Variants in PTPRD observed in about 807,000 individuals in gnomAD.
PTPRD encodes receptor-type tyrosine-protein phosphatase delta.
PTPRD carries 34 observed loss-of-function variants against 214.5 expected under a neutral mutation model. That is an observed-to-expected ratio of 0.16 (90% CI 0.12 to 0.21). The LOEUF is 0.21. PTPRD is among the 10% of genes least tolerant of loss of function. The probability of loss-of-function intolerance (pLI) is 1.00; values close to 1 mark genes in which losing one functional copy is unlikely to be tolerated. For missense variants in PTPRD, 2,545 were observed against 2,398.7 expected (o/e 1.06, Z -1.27); for synonymous variants, 1,128 against 845.7 (o/e 1.33, Z -5.79).
At chr9:8,791,753 C>G (rs959635314) in intron 11 of PTPRD, among the ~76,000 whole-genome samples, 3 of 151,980 alleles carry the variant, frequency 2.0e-5, no homozygotes, top group African/African-American at 7.3e-5. Flanking sequence ...GACTGGCTAA[C>G]TAGGTGACTG....
intron 11 of PTPRD, among the ~76,000 whole-genome samples, chr9:9,012,699 A>G (rs1174958213): frequency 6.6e-6 from 1 of 152,194 alleles, no homozygotes; most frequent in African/African-American, 2.4e-5. Context: ...AGTTCTATCA[A>G]TTAAAGTTTG....
intron 7 of PTPRD, among the ~76,000 whole-genome samples, chr9:9,588,755 C>A (rs926870358): frequency 6.6e-6 from 1 of 151,890 alleles, no homozygotes; most frequent in Non-Finnish European, 1.5e-5. Context: ...ACGGGAACTG[C>A]ATCAATATGT....
At chr9:8,733,713 G>A (rs2098686360) in intron 12 of PTPRD, 67 bp downstream of exon 12, 2 of 1,486,944 alleles carry the variant, frequency 1.3e-6, no homozygotes, top group East Asian at 2.5e-5. Flanking sequence ...CCCTGAGCCT[G>A]GTGCCAACTG....
chr9:9,858,273 G>A (rs1207308563), intron 5 of PTPRD, among the ~76,000 whole-genome samples: 1 of 152,130 alleles, frequency 6.6e-6, no homozygotes, highest in Non-Finnish European at 1.5e-5. Flanking sequence ...CAATAAATAT[G>A]ATGGCACCAA....
chr9:8,912,195 A>G (rs1594767), intron 11 of PTPRD, among the ~76,000 whole-genome samples: 53,518 of 151,882 alleles, frequency 0.35, 10,754 homozygotes, highest in Non-Finnish European at 0.45. Flanking sequence ...CCATGTAAAA[A>G]TATGTATGCA....
intron 11 of PTPRD, among the ~76,000 whole-genome samples, chr9:8,745,994 T>C (rs1332147785): frequency 6.6e-6 from 1 of 152,206 alleles, no homozygotes; most frequent in Admixed American, 6.5e-5. Context: ...GGTCTTGCTA[T>C]GTTGCCCAGA....
At chr9:8,362,888 G>C (rs148084647) in intron 39 of PTPRD, among the ~76,000 whole-genome samples, 6 of 152,192 alleles carry the variant, frequency 3.9e-5, no homozygotes, top group African/African-American at 1.2e-4. Flanking sequence ...TTTTGATCCT[G>C]AAAGCTAAGT....
At chr9:8,536,820 G>A (rs1437571230) in intron 14 of PTPRD, among the ~76,000 whole-genome samples, 1 of 151,952 alleles carries the variant, frequency 6.6e-6, no homozygotes, top group Non-Finnish European at 1.5e-5. Context: ...GACTAATAAT[G>A]ACTACTCCAA....
intron 10 of PTPRD, among the ~76,000 whole-genome samples, chr9:9,019,342 AAG>A (rs1219470692): frequency 1.6e-5 from 2 of 121,312 alleles, no homozygotes; most frequent in African/African-American, 3.4e-5. Context: ...GAAAGAACGA[AAG>A]AAAGAAAGAA....
intron 2 of PTPRD, among the ~76,000 whole-genome samples, chr9:10,450,250 A>C (rs1225410278): frequency 6.6e-6 from 1 of 151,364 alleles, no homozygotes; most frequent in East Asian, 1.9e-4. Flanking sequence ...ATACTAAAAA[A>C]AATAAATAAA....
At chr9:10,243,564 C>A (rs1056107242) in intron 3 of PTPRD, among the ~76,000 whole-genome samples, 16 of 151,910 alleles carry the variant, frequency 1.1e-4, no homozygotes, top group African/African-American at 3.9e-4. Flanking sequence ...TATTCTATTT[C>A]CTGTAAGATC....
intron 44 of PTPRD, among the ~76,000 whole-genome samples, chr9:8,329,942 T>C: frequency 1.8e-5 from 1 of 55,090 alleles, no homozygotes; most frequent in African/African-American, 5.6e-4. Flanking sequence ...GATCGTATCT[T>C]GCTGGGCTCT....
At chr9:9,690,297 T>A (rs1476814580) in intron 7 of PTPRD, among the ~76,000 whole-genome samples, 1 of 151,984 alleles carries the variant, frequency 6.6e-6, no homozygotes, top group East Asian at 1.9e-4. Context: ...TTCTGAGAAC[T>A]GTCTATTCAG....
chr9:9,347,021 G>A (rs762300643), intron 9 of PTPRD, among the ~76,000 whole-genome samples: 1 of 151,956 alleles, frequency 6.6e-6, no homozygotes, highest in Non-Finnish European at 1.5e-5. Context: ...CAGCCCCTGG[G>A]GCAGGTGTGT....
At chr9:9,325,250 G>C (rs1353776439) in intron 9 of PTPRD, among the ~76,000 whole-genome samples, 1 of 152,170 alleles carries the variant, frequency 6.6e-6, no homozygotes, top group Non-Finnish European at 1.5e-5. Context: ...TAGCTTGATG[G>C]GGATGGCATT....
intron 8 of PTPRD, among the ~76,000 whole-genome samples, chr9:9,429,253 T>C (rs1425165990): frequency 1.3e-5 from 2 of 152,092 alleles, no homozygotes; most frequent in African/African-American, 4.8e-5. Context: ...CAAACTACCA[T>C]CAGAGAATAG....
intron 2 of PTPRD, among the ~76,000 whole-genome samples, chr9:10,569,632 G>C (rs900283090): frequency 2.0e-5 from 3 of 151,278 alleles, no homozygotes; most frequent in Admixed American, 6.6e-5. Flanking sequence ...TAATTTCATA[G>C]CTATGTAATT....
chr9:9,275,091 GT>G (rs1215126186), intron 9 of PTPRD, among the ~76,000 whole-genome samples: 2 of 53,174 alleles, frequency 3.8e-5, no homozygotes, highest in Non-Finnish European at 7.1e-5. Context: ...TAATATATAT[GT>G]TATATATATA....
chr9:10,208,921 G>T (rs1195854320), intron 3 of PTPRD, among the ~76,000 whole-genome samples: 1 of 152,094 alleles, frequency 6.6e-6, no homozygotes, highest in African/African-American at 2.4e-5. Context: ...TATTCATTAC[G>T]TAACAGACAC....
Sources: allele counts gnomAD v4.1 joint callset (sites outside exome capture counted in the v4.1 genomes callset), GRCh38; gene constraint gnomAD v4.1.1; transcripts MANE v1.5; gene names NCBI Gene and HGNC (gene_info 2026-07-23, HGNC 2026-07-21).